Variants in LTF observed in about 807,000 individuals in gnomAD.
LTF encodes the protein lactotransferrin.
In LTF, 91 loss-of-function variants were observed where a neutral mutation model predicts 87.2. That is an observed-to-expected ratio of 1.04 (90% confidence interval 0.88 to 1.24). The LOEUF (loss-of-function observed/expected upper bound fraction) is 1.24. Ranked by LOEUF, LTF falls within the 50% of genes most tolerant of loss-of-function variation. LTF has a pLI of 0.00. For missense variants in LTF, 901 were observed against 904.3 expected (o/e 1.00, Z 0.05); for synonymous variants, 378 against 356.1 (o/e 1.06, Z -0.69).
upstream of LTF, among the ~76,000 whole-genome samples, chr3:46,467,212 G>GCATTCATTCATT (rs10663529): frequency 4.4e-3 from 654 of 150,230 alleles, 6 homozygotes; most frequent in African/African-American, 0.015. Context: ...TCTATTAACA[G>GCATTCATTCATT]CATTCATTCA....
At position 46,482,659 on chromosome 3, in the gene LTF, A is replaced by AGAAG. The variant is rs1206921702; in HGVS notation, c.-320+2323_-320+2326dup. Among the ~76,000 whole-genome samples, 587 of 60,176 alleles carry AGAAG rather than the reference A, an allele frequency of 9.8e-3. 17 individuals carry two copies. Among genetic ancestry groups the AGAAG allele is most frequent in the South Asian group, 0.012 (14 of 1,206 alleles). 39.5% of individuals were successfully genotyped at this position (60,176 alleles called of 152,430 possible). On this transcript the variant is annotated intron_variant, in intron 1 of 19. Coordinates refer to the LTF transcript ENST00000443496. ...AAGAAAGAAAGAAAGAAAGAAAGAA[A>AGAAG]GAAGGAAGGAAGGAAGGAAGGAAGG...
intron 13 of LTF, chr3:46,441,809 C>T (rs763664724): frequency 5.8e-5 from 14 of 243,094 alleles, no homozygotes; most frequent in Non-Finnish European, 9.5e-5. Context: ...GTGCAGGCGG[C>T]CTACACAGCA....
At position 46,456,276 on chromosome 3, in the gene LTF, C is replaced by T; in HGVS notation, c.316+14G>A. ...GAGGCCACCGTGGCCTCTGGGTCCC[C>T]AGGCAGAACTCACGTCTTTCGGTCC... On this transcript the variant is annotated intron_variant, in intron 3 of 16. Coordinates refer to ENST00000231751, the MANE Select transcript of LTF (RefSeq NM_002343.6). 1.2e-6 allele frequency: 2 copies of T among 1,612,264 alleles called. No homozygotes were observed. The highest frequency in any genetic ancestry group is 8.5e-7 in the Non-Finnish European group (1 of 1,178,394).
intron 1 of LTF, among the ~76,000 whole-genome samples, chr3:46,484,796 A>AC (rs1257161857): frequency 2.6e-5 from 4 of 152,110 alleles, no homozygotes; most frequent in African/African-American, 9.7e-5. Flanking sequence ...CCATGCCCCT[A>AC]CCCACCACCT....
rs148398608 is a variant in LTF at position 46,447,341 on chromosome 3, A to G, written c.1270T>C (p.Cys424Arg). The part of the protein sequence containing the change: ...DGGYVYTAGK[C>R]GLVPVLAENY... ...TCTGCCAGGACAGGCACCAAACCAC[A>G]TTTGCCTGCAGTGTACACATATCCT... The change falls in exon 10 of 17, where the codon TGT becomes CGT. Residue 424 changes from cysteine to arginine, a missense_variant. Physicochemically the swap from Cys to Arg is radical, Grantham distance 180. Coordinates refer to ENST00000231751, the MANE Select transcript of LTF (RefSeq NM_002343.6). 5.6e-6 allele frequency: 9 copies of G among 1,614,126 alleles called. No homozygotes were observed. The highest frequency in any genetic ancestry group is 7.6e-6 in the Non-Finnish European group (9 of 1,180,006).
Position 46,455,390 on chromosome 3 carries a change from C to T in LTF, c.552G>A (p.Gln184=). 6.2e-7 allele frequency: 1 copy of T among 1,614,250 alleles called. No individual in the cohort carries two copies. The highest frequency in any genetic ancestry group is 1.1e-5 in the South Asian group (1 of 91,088). Residue 184 remains glutamine, a synonymous_variant, in exon 5 of 17, where the codon CAG becomes CAA. Transcript: ENST00000231751. ...ASCVPGADKG[Q]FPNLCRLCAG... ...CACACAGGCGACACAGGTTGGGGAA[C>T]TGTCCTTTATCTGCACCGGGAACAC...
chr3:46,441,930 A>AGG (rs1702527183), intron 13 of LTF: 1 of 58,936 alleles, frequency 1.7e-5, no homozygotes. Context: ...AGAGAGAGAG[A>AGG]GAGAGTGTGT....
intron 1 of LTF, among the ~76,000 whole-genome samples, chr3:46,470,871 T>C (rs1703273438): frequency 6.6e-6 from 1 of 152,208 alleles, no homozygotes; most frequent in African/African-American, 2.4e-5. Flanking sequence ...CCGTATGAGG[T>C]GGGTAGAATT....
chr3:46,450,610 T>A lies in LTF; in HGVS notation c.767A>T (p.Lys256Met). The change falls in exon 7 of 17, where the codon AAG (lysine) becomes ATG (methionine). Residue 256 changes from lysine to methionine, a missense_variant. Physicochemically the swap from Lys to Met is moderately conservative, Grantham distance 95. Coordinates refer to ENST00000231751, the MANE Select transcript of LTF (RefSeq NM_002343.6). ...YELLCPDNTR[K>M]PVDKFKDCHL... ...GCAGTCTTTGAACTTGTCCACTGGC[T>A]TCCGAGTGTTGTCTGGGCAGAGTAA... 2 of 1,614,196 alleles carry A rather than the reference T, an allele frequency of 1.2e-6. No individual in the cohort carries two copies. Among genetic ancestry groups the A allele is most frequent in the Non-Finnish European group, 1.7e-6 (2 of 1,180,028 alleles).
At position 46,482,723 on chromosome 3, in the gene LTF, A is replaced by AAAGGAAGGAAGG. The variant is rs201712553; in HGVS notation, c.-320+2251_-320+2262dup. Among the ~76,000 whole-genome samples the AAAGGAAGGAAGG allele has an allele frequency of 9.2e-4, 103 of 111,678 alleles. 4 individuals carry two copies. The highest frequency in any genetic ancestry group is 2.9e-3 in the African/African-American group (86 of 29,450). 73.3% of individuals were successfully genotyped at this position (111,678 alleles called of 152,430 possible). A position where few individuals can be genotyped will look rare whatever the true frequency, so the allele number is the denominator to read the frequency against. On this transcript the variant is annotated intron_variant, in intron 1 of 19. Transcript: ENST00000443496. Reference sequence around the variant, plus strand: ...AGGAAGGAAAGAAAGAAAGAGAAAGAAAGGAAGGAAGGAAGGAAGGAAGGA... The same window carrying AAAGGAAGGAAGG: ...AGGAAGGAAAGAAAGAAAGAGAAAGAAAGGAAGGAAGGAAGGAAGGAAGGAAGGAAGGAAGGA...
chr3:46,465,917 T>C (rs1217678914), upstream of LTF, among the ~76,000 whole-genome samples: 12 of 75,156 alleles, frequency 1.6e-4, no homozygotes, highest in South Asian at 6.1e-3. Flanking sequence ...AGAAAGAATA[T>C]CCTGTGTGTA....
In LTF at chr3:46,435,927, G is replaced by A. The variant is rs1702374978; in HGVS notation, c.*268C>T. On this transcript the variant is annotated 3_prime_UTR_variant, in exon 17 of 17. Coordinates refer to ENST00000231751, the MANE Select transcript of LTF (RefSeq NM_002343.6). ...GGGCTGGACCTGAAAAACTTGGAAG[G>A]GAAGGTCCAACTGTACAGGTATTTT... is the stretch of plus-strand genomic sequence containing the variant. 1.0e-5 allele frequency: 5 copies of A among 481,604 alleles called. No individual in the cohort carries two copies. The highest frequency in any genetic ancestry group is 3.6e-5 in the Admixed American group (1 of 27,598). 29.8% of individuals were successfully genotyped at this position (481,604 alleles called of 1,614,324 possible).
At position 46,459,049 on chromosome 3, in the gene LTF, A is replaced by G. The variant is rs560654005; in HGVS notation, c.207+607T>C. Among the ~76,000 whole-genome samples, 303 of 152,384 alleles carry G rather than the reference A, an allele frequency of 2.0e-3. 2 individuals carry two copies. Among genetic ancestry groups the G allele is most frequent in the Non-Finnish European group, 3.4e-3 (230 of 68,042 alleles). On this transcript the variant is annotated intron_variant, in intron 2 of 16. Coordinates refer to ENST00000231751, the MANE Select transcript of LTF (RefSeq NM_002343.6). ...TTCACTCTGCTGGAGTTGAGTACAC[A>G]TGATTATGGCACATGGCAGGTACAC...
rs558843085 is a variant in LTF at position 46,439,446 on chromosome 3, C to T, written c.1758G>A (p.Lys586=). 4.3e-6 allele frequency: 7 copies of T among 1,613,510 alleles called. No homozygotes were observed. Among genetic ancestry groups the T allele is most frequent in the African/African-American group, 4.0e-5 (3 of 74,920 alleles). Residue 586 remains lysine, a synonymous_variant, in exon 15 of 17, where the codon AAG becomes AAA. Coordinates refer to ENST00000231751, the MANE Select transcript of LTF (RefSeq NM_002343.6). ...GGCACAGCAGCGCAAAGTCTGCCAG[C>T]TTCAAATCCTTAGCCCATGCCTCAT... ...NNNEAWAKDL[K]LADFALLCLD...
At chr3:46,482,716 G>GAAAA (rs1553668644) in intron 1 of LTF, among the ~76,000 whole-genome samples, 3,570 of 89,502 alleles carry the variant, frequency 0.04, 178 homozygotes, top group South Asian at 0.1. Context: ...AAGAAAGAAA[G>GAAAA]AGAAAGAAAG....
In LTF at chr3:46,455,412, A is replaced by G. The variant is rs771031129; in HGVS notation, c.530T>C (p.Val177Ala). The G allele has an allele frequency of 1.2e-6, 2 of 1,614,222 alleles. No individual in the cohort carries two copies. Among genetic ancestry groups the G allele is most frequent in the Non-Finnish European group, 1.7e-6 (2 of 1,180,036 alleles). Reference sequence around the variant, plus strand: ...GAACTGTCCTTTATCTGCACCGGGAACACAGCTGGCTGAGAAGAACCTGGC... The same window carrying G: ...GAACTGTCCTTTATCTGCACCGGGAGCACAGCTGGCTGAGAAGAACCTGGC... ...AVARFFSASC[V>A]PGADKGQFPN... The change falls in exon 5 of 17, where the codon GTT becomes GCT. Residue 177 changes from valine to alanine, a missense_variant. Coordinates refer to ENST00000231751, the MANE Select transcript of LTF (RefSeq NM_002343.6).
chr3:46,460,667 G>C (rs1703058879), intron 1 of LTF: 3 of 446,990 alleles, frequency 6.7e-6, no homozygotes, highest in Admixed American at 2.4e-5. Flanking sequence ...AATGATGAGA[G>C]AGTGTCCACA....
chr3:46,456,036 A>C (rs1575318351), intron 3 of LTF, 58 bp from the exon 4 acceptor site: 1 of 1,444,822 alleles, frequency 6.9e-7, no homozygotes, highest in East Asian at 2.4e-5. Flanking sequence ...GACAAAAACA[A>C]CCCATCCTGA....
chr3:46,484,391 G>A (rs912571411), intron 1 of LTF, among the ~76,000 whole-genome samples: 1 of 152,190 alleles, frequency 6.6e-6, no homozygotes, highest in African/African-American at 2.4e-5. Context: ...CCGTGAGGTA[G>A]GTCCTGTGAC....
Sources: allele counts gnomAD v4.1 joint callset (sites outside exome capture counted in the v4.1 genomes callset), GRCh38; gene constraint gnomAD v4.1.1; transcripts MANE v1.5; gene names NCBI Gene and HGNC (gene_info 2026-07-23, HGNC 2026-07-21).